Variants in PTPRD observed in about 807,000 individuals in gnomAD.
PTPRD encodes receptor-type tyrosine-protein phosphatase delta.
A neutral mutation model predicts 214.5 loss-of-function variants in PTPRD; 34 were observed. That is an observed-to-expected ratio of 0.16 (90% CI 0.12 to 0.21). PTPRD has a LOEUF of 0.21. PTPRD is among the 10% of genes least tolerant of loss of function. The probability of loss-of-function intolerance (pLI) is 1.00; values close to 1 mark genes in which losing one functional copy is unlikely to be tolerated. For missense variants in PTPRD, 2,545 were observed against 2,398.7 expected (o/e 1.06, Z -1.27); for synonymous variants, 1,128 against 845.7 (o/e 1.33, Z -5.79).
intron 5 of PTPRD, among the ~76,000 whole-genome samples, chr9:9,863,985 G>T (rs566181016): frequency 2.0e-5 from 3 of 152,118 alleles, no homozygotes; most frequent in Non-Finnish European, 4.4e-5. Context: ...ATATCCAAAA[G>T]ATTGTTCCAT....
intron 10 of PTPRD, among the ~76,000 whole-genome samples, chr9:9,101,219 T>C (rs547624176): frequency 6.6e-6 from 1 of 152,172 alleles, no homozygotes; most frequent in Non-Finnish European, 1.5e-5. Flanking sequence ...ATGCTCATTA[T>C]AGATATAAAA....
rs73641847 is a variant in PTPRD at position 10,084,626 on chromosome 9, T to A, written c.-544-50836A>T. ...TGGAAAGAACACTTGATTATTGCAT[T>A]TGGGAGTCAACAAACACTTTCTGTA... On this transcript the variant is annotated intron_variant, in intron 3 of 45. Transcript: ENST00000381196. Among the ~76,000 whole-genome samples, 867 of 151,944 alleles carry A rather than the reference T, an allele frequency of 5.7e-3. 7 individuals are homozygous for A. The highest frequency in any genetic ancestry group is 0.02 in the African/African-American group (812 of 41,408).
intron 2 of PTPRD, among the ~76,000 whole-genome samples, chr9:10,554,261 G>T (rs1216772402): frequency 6.6e-6 from 1 of 152,062 alleles, no homozygotes; most frequent in African/African-American, 2.4e-5. Flanking sequence ...TTCCCCAATG[G>T]ATTTTACTTC....
intron 3 of PTPRD, among the ~76,000 whole-genome samples, chr9:10,266,485 T>G (rs1466469783): frequency 6.6e-6 from 1 of 152,176 alleles, no homozygotes; most frequent in Non-Finnish European, 1.5e-5. Context: ...AGACTAATTT[T>G]GATTCAAATA....
chr9:10,456,778 A>C (rs2098920915), intron 2 of PTPRD, among the ~76,000 whole-genome samples: 1 of 151,936 alleles, frequency 6.6e-6, no homozygotes, highest in South Asian at 2.1e-4. Context: ...AATTTTCTTC[A>C]AACAGCTTTG....
At chr9:8,907,152 A>G (rs2098713400) in intron 11 of PTPRD, among the ~76,000 whole-genome samples, 1 of 152,010 alleles carries the variant, frequency 6.6e-6, no homozygotes, top group South Asian at 2.1e-4. Context: ...TTATAAACAC[A>G]CCAAATAAAC....
chr9:10,608,084 T>C (rs1262938684), intron 2 of PTPRD, among the ~76,000 whole-genome samples: 1 of 152,028 alleles, frequency 6.6e-6, no homozygotes, highest in African/African-American at 2.4e-5. Context: ...AATAATTTTT[T>C]CTATGGTTCT....
At chr9:9,388,181 T>G (rs1324635447) in intron 9 of PTPRD, among the ~76,000 whole-genome samples, 1 of 152,190 alleles carries the variant, frequency 6.6e-6, no homozygotes, top group African/African-American at 2.4e-5. Context: ...GACATGTTCC[T>G]CTTGCTGTCC....
At chr9:8,497,349 T>C (rs1303058363) in intron 25 of PTPRD, 81 bp from the exon 26 acceptor site, 2 of 1,197,322 alleles carry the variant, frequency 1.7e-6, no homozygotes, top group African/African-American at 3.2e-5. Flanking sequence ...AGTGTTGCCC[T>C]TGTTAGATTA....
chr9:9,430,431 T>C (rs1442611036), intron 8 of PTPRD, among the ~76,000 whole-genome samples: 1 of 151,888 alleles, frequency 6.6e-6, no homozygotes, highest in Non-Finnish European at 1.5e-5. Context: ...GAACATTCCA[T>C]GTTCATGGAC....
chr9:9,783,707 C>T (rs2154491919), intron 5 of PTPRD, among the ~76,000 whole-genome samples: 1 of 152,152 alleles, frequency 6.6e-6, no homozygotes, highest in South Asian at 2.1e-4. Flanking sequence ...TTCCTCCCCT[C>T]CCAAGCCTTA....
chr9:9,808,045 C>G (rs1017433315), intron 5 of PTPRD, among the ~76,000 whole-genome samples: 4 of 152,010 alleles, frequency 2.6e-5, no homozygotes, highest in African/African-American at 9.7e-5. Flanking sequence ...GGAGTGAAAC[C>G]AAAATAGGCA....
rs192298909 is a variant in PTPRD, at chr9:8,404,409, G to A, written c.4210+128C>T. ...CTCCCAAAGTGCTGGGATTACAGGC[G>A]TGAGCCACCATGCACAGCCATCTTA... On this transcript the variant is annotated intron_variant, in intron 36 of 45. Coordinates refer to ENST00000381196, the MANE Select transcript of PTPRD (RefSeq NM_002839.4). 6.8e-4 allele frequency: 870 copies of A among 1,275,700 alleles called. 8 individuals are homozygous for A. In the African/African-American group the frequency reaches 0.011, roughly 17 times the overall value. The allele number at this position is 1,275,700 out of a possible 1,614,324, so 79.0% of individuals were successfully genotyped here. A position where few individuals can be genotyped will look rare whatever the true frequency, so the allele number is the denominator to read the frequency against.
rs560591910 is a variant in PTPRD at position 9,328,448 on chromosome 9, T to C, written c.-203+69001A>G. Reference sequence around the variant, plus strand: ...AGAAAATATTTCCATTCCATCTTATTATATTTCTTTAAACTCAATTTCTGC... The same window carrying C: ...AGAAAATATTTCCATTCCATCTTATCATATTTCTTTAAACTCAATTTCTGC... On this transcript the variant is annotated intron_variant, in intron 9 of 45. Transcript: ENST00000381196. Among the ~76,000 whole-genome samples the C allele has an allele frequency of 5.3e-5, 8 of 152,126 alleles. No homozygotes were observed. The East Asian group carries it at 1.4e-3, about 26-fold the overall frequency.
intron 8 of PTPRD, among the ~76,000 whole-genome samples, chr9:9,485,048 T>A (rs10977818): frequency 6.6e-6 from 1 of 152,202 alleles, no homozygotes; most frequent in Admixed American, 6.5e-5. Context: ...TTCCCCAAAG[T>A]GCATTCAAGA....
intron 5 of PTPRD, among the ~76,000 whole-genome samples, chr9:9,795,920 A>G (rs932344564): frequency 6.6e-6 from 1 of 152,188 alleles, no homozygotes; most frequent in Non-Finnish European, 1.5e-5. Flanking sequence ...TAGTCTCTCT[A>G]CAGAAACTAT....
At chr9:9,038,902 G>GT (rs1337566821) in intron 10 of PTPRD, among the ~76,000 whole-genome samples, 1 of 151,976 alleles carries the variant, frequency 6.6e-6, no homozygotes, top group African/African-American at 2.4e-5. Flanking sequence ...TCCCAGGAAG[G>GT]TTTTTTGTTG....
chr9:9,137,859 C>A (rs1181352512), intron 10 of PTPRD, among the ~76,000 whole-genome samples: 1 of 152,090 alleles, frequency 6.6e-6, no homozygotes, highest in African/African-American at 2.4e-5. Flanking sequence ...TTTCCAGACC[C>A]AATTCAGGTC....
intron 14 of PTPRD, among the ~76,000 whole-genome samples, chr9:8,594,880 T>TG (rs1365403761): frequency 1.4e-5 from 2 of 139,896 alleles, no homozygotes; most frequent in African/African-American, 2.7e-5. Context: ...TTTTTTTTTT[T>TG]GGGACAGAGT....
Sources: gnomAD v4.1 joint callset for allele counts (sites outside exome capture counted in the v4.1 genomes callset) on GRCh38, gnomAD v4.1.1 for gene constraint, MANE v1.5 for transcripts, NCBI Gene and HGNC (gene_info 2026-07-23, HGNC 2026-07-21) for gene names.